MOV10L1: variants seen among roughly 807,000 people sequenced by gnomAD.
MOV10L1 encodes RNA helicase Mov10l1.
In MOV10L1, 110 loss-of-function variants were observed where a neutral mutation model predicts 143.8. The observed-to-expected ratio is 0.76, with a 90% CI of 0.66 to 0.90. The LOEUF (loss-of-function observed/expected upper bound fraction) is 0.90. Ranked by LOEUF, MOV10L1 falls within the 40% of genes least tolerant of loss-of-function variation. MOV10L1 has a pLI of 0.00. For synonymous variants in MOV10L1, 593 were observed against 581.1 expected (o/e 1.02, Z -0.29); for missense variants, 1,406 against 1,526.8 (o/e 0.92, Z 1.32).
At chr22:50,115,076 C>T (rs760062266) in intron 7 of MOV10L1, 38 bp from the exon 8 acceptor site, 1 of 1,544,634 alleles carries the variant, frequency 6.5e-7, no homozygotes. Flanking sequence ...GATAATTTAC[C>T]TTTTGGTCAA....
intron 10 of MOV10L1, among the ~76,000 whole-genome samples, chr22:50,123,196 C>CAAAAA (rs71198219): frequency 9.9e-6 from 1 of 101,420 alleles, no homozygotes. Flanking sequence ...ACTCATGTCT[C>CAAAAA]AAAAAAAAAA....
chr22:50,150,404 G>A (rs1054990178), intron 20 of MOV10L1, among the ~76,000 whole-genome samples: 10 of 152,224 alleles, frequency 6.6e-5, no homozygotes, highest in African/African-American at 2.4e-4. Flanking sequence ...TGGGATGGCG[G>A]CCAGGGCCAG....
intron 20 of MOV10L1, 59 bp downstream of exon 20, chr22:50,149,773 C>T (rs2063246999): frequency 6.8e-6 from 10 of 1,469,030 alleles, no homozygotes; most frequent in Admixed American, 1.9e-5. Flanking sequence ...TGAGGGGATG[C>T]AGGCTGCGAT....
intron 22 of MOV10L1, among the ~76,000 whole-genome samples, chr22:50,154,408 T>A (rs1263687413): frequency 6.6e-6 from 1 of 151,936 alleles, no homozygotes; most frequent in African/African-American, 2.4e-5. Context: ...AAAAATTTTT[T>A]TTTTTTTAAA....
rs184254488 is a variant in MOV10L1, at chr22:50,119,859, C to T, written c.1455-643C>T. On this transcript the variant is annotated intron_variant, in intron 9 of 26. Coordinates refer to ENST00000262794, the MANE Select transcript of MOV10L1 (RefSeq NM_018995.3). ...CTGGGAGGGAATGAGGGATAAAGGT[C>T]CAACCAACATCCTTATTTGCTGAGT... is the stretch of plus-strand genomic sequence containing the variant. 3.1e-3 allele frequency among the ~76,000 whole-genome samples: 471 copies of T among 151,990 alleles called. 12 individuals are homozygous for T. Among genetic ancestry groups the T allele is most frequent in the Middle Eastern group, 3.4e-3 (1 of 294 alleles).
intron 13 of MOV10L1, among the ~76,000 whole-genome samples, chr22:50,133,405 G>T (rs1166452400): frequency 6.7e-6 from 1 of 150,260 alleles, no homozygotes; most frequent in Non-Finnish European, 1.5e-5. Flanking sequence ...GCTTCAGTGA[G>T]CTCTGACTGT....
Position 50,145,029 on chromosome 22 carries a change from G to A in MOV10L1, c.2506-660G>A, listed in dbSNP as rs1052870606. Among the ~76,000 whole-genome samples, 12 of 152,108 alleles carry A rather than the reference G, an allele frequency of 7.9e-5. No individual in the cohort carries two copies. In the East Asian group the frequency reaches 9.8e-4, roughly 12 times the overall value. Reference sequence around the variant, plus strand: ...GTGATCTTGGCTAACTGCAACCTCCGCCTCCCGGGTTCAAGCAATTCTCCT... The same window carrying A: ...GTGATCTTGGCTAACTGCAACCTCCACCTCCCGGGTTCAAGCAATTCTCCT... On this transcript the variant is annotated intron_variant, in intron 18 of 26. Transcript: ENST00000262794.
chr22:50,099,979 TTTTTTG>T (rs71670155), intron 3 of MOV10L1, among the ~76,000 whole-genome samples: 33,504 of 151,164 alleles, frequency 0.22, 4,027 homozygotes, highest in Admixed American at 0.35. Context: ...CTGTTTTGTT[TTTTTTG>T]TTTTTGTTTT....
chr22:50,154,067 A>G (rs544927627), intron 22 of MOV10L1, among the ~76,000 whole-genome samples: 2 of 152,292 alleles, frequency 1.3e-5, no homozygotes, highest in South Asian at 2.1e-4. Context: ...GATCTGTCCA[A>G]AGTGGTGGGA....
chr22:50,102,677 G>A (rs890325025), intron 3 of MOV10L1, among the ~76,000 whole-genome samples: 7 of 152,086 alleles, frequency 4.6e-5, no homozygotes, highest in African/African-American at 1.7e-4. Flanking sequence ...TGAGGCGGGC[G>A]GATCACCTGA....
intron 1 of MOV10L1, among the ~76,000 whole-genome samples, chr22:50,091,670 A>G (rs1193987034): frequency 2.6e-5 from 4 of 152,182 alleles, no homozygotes; most frequent in Non-Finnish European, 5.9e-5. Flanking sequence ...ACAGGCCCAG[A>G]GTAGTTAAGG....
chr22:50,115,882 G>A (rs181684532), intron 8 of MOV10L1, among the ~76,000 whole-genome samples: 12 of 152,334 alleles, frequency 7.9e-5, no homozygotes, highest in East Asian at 7.7e-4. Context: ...CCAAGGCACG[G>A]ACAGCACAGT....
At position 50,159,796 on chromosome 22, in the gene MOV10L1, C is replaced by T; in HGVS notation, c.3324+11C>T. The T allele has an allele frequency of 6.3e-7, 1 of 1,578,036 alleles. No homozygotes were observed. The highest frequency in any genetic ancestry group is 8.7e-7 in the Non-Finnish European group (1 of 1,148,688). On this transcript the variant is annotated intron_variant, in intron 24 of 26. Coordinates refer to ENST00000262794, the MANE Select transcript of MOV10L1 (RefSeq NM_018995.3). The surrounding 1 kb of genome is among the most constrained non-coding windows in gnomAD (Gnocchi z 4.1). ...ATCATCATTTCGACCGTAGGTATCC[C>T]TGTTCTCCGTGGGGATGGACAGTCA...
At chr22:50,112,916 G>C (rs1285189790) in intron 5 of MOV10L1, among the ~76,000 whole-genome samples, 1 of 152,222 alleles carries the variant, frequency 6.6e-6, no homozygotes, top group Non-Finnish European at 1.5e-5. Flanking sequence ...CACAGAGAAG[G>C]AAGAGCCAAA....
intron 2 of MOV10L1, chr22:50,092,938 T>C (rs1305806252): frequency 6.6e-6 from 1 of 152,242 alleles, no homozygotes; most frequent in Non-Finnish European, 1.5e-5. Flanking sequence ...GGAGTCTCTG[T>C]CGCCCAGGCT....
At chr22:50,127,601 G>T (rs2062547629) in intron 12 of MOV10L1, among the ~76,000 whole-genome samples, 1 of 152,052 alleles carries the variant, frequency 6.6e-6, no homozygotes, top group Non-Finnish European at 1.5e-5. Flanking sequence ...ACCCTACCAG[G>T]GTGTTGCCTG....
intron 2 of MOV10L1, chr22:50,096,334 T>C (rs1706924807): frequency 6.6e-6 from 1 of 152,274 alleles, no homozygotes; most frequent in African/African-American, 2.4e-5. Context: ...TAATTCCTTT[T>C]TTATGGCTGA....
Position 50,134,042 on chromosome 22 carries a change from A to G in MOV10L1, c.1946A>G (p.His649Arg). ...AGACGGTGTCACTTTGCACTTGAAC[A>G]CGTCATCCACTTAGGTGTAAAAGGT... ...TSRRCHFALE[H>R]VIHLGVKVLF... Residue 649 changes from histidine (H) to arginine (R), a missense_variant, in exon 14 of 27, where the codon CAC becomes CGC. By Grantham distance (29) the His-to-Arg change is conservative. This residue lies in a region of MOV10L1 where 1,233 missense variants were observed against 1,351.4 expected (regional missense o/e 0.91). Coordinates refer to ENST00000262794, the MANE Select transcript of MOV10L1 (RefSeq NM_018995.3). 1 of 1,612,402 alleles carries G rather than the reference A, an allele frequency of 6.2e-7. No individual in the cohort carries two copies.
At chr22:50,107,715 G>A (rs1313732118) in intron 3 of MOV10L1, among the ~76,000 whole-genome samples, 1 of 152,198 alleles carries the variant, frequency 6.6e-6, no homozygotes, top group Non-Finnish European at 1.5e-5. Flanking sequence ...GGCACACTGA[G>A]GGGCTGGCTG....
Sources: allele counts gnomAD v4.1 joint callset (sites outside exome capture counted in the v4.1 genomes callset), GRCh38; gene constraint gnomAD v4.1.1; regional missense constraint gnomAD v4.1.1; non-coding constraint Gnocchi (gnomAD v3.1); transcripts MANE v1.5; gene names NCBI Gene and HGNC (gene_info 2026-07-23, HGNC 2026-07-21).